Variants in TAF4B observed in about 807,000 individuals in gnomAD.
TAF4B encodes the protein transcription initiation factor TFIID subunit 4B.
Under a neutral mutation model 86.4 loss-of-function variants are expected in TAF4B, and 38 were observed. The ratio of observed to expected loss-of-function variants is 0.44; its 90% CI spans 0.34 to 0.58. The LOEUF is 0.58. TAF4B is among the 20% of genes least tolerant of loss of function. The probability of loss-of-function intolerance (pLI) is 0.02; values close to 1 mark genes in which losing one functional copy is unlikely to be tolerated. For missense variants in TAF4B, 988 were observed against 1,027.6 expected (o/e 0.96, Z 0.53); for synonymous variants, 388 against 391.2 (o/e 0.99, Z 0.10).
intron 5 of TAF4B, among the ~76,000 whole-genome samples, chr18:26,280,188 G>C (rs933037083): frequency 3.9e-5 from 6 of 152,148 alleles, no homozygotes; most frequent in Non-Finnish European, 8.8e-5. Context: ...AGATTTAAAT[G>C]TAAGACCTCA....
At chr18:26,346,509 A>AC (rs1417928409) in intron 13 of TAF4B, among the ~76,000 whole-genome samples, 2 of 151,770 alleles carry the variant, frequency 1.3e-5, no homozygotes, top group Non-Finnish European at 2.9e-5. Context: ...AGCTGGAAGA[A>AC]CCCCAAGTAG....
chr18:26,369,142 G>C (rs1478478753), intron 14 of TAF4B, among the ~76,000 whole-genome samples: 2 of 152,008 alleles, frequency 1.3e-5, no homozygotes, highest in African/African-American at 2.4e-5. Context: ...AGGATCGCCA[G>C]ATATTTGAGG....
chr18:26,346,787 A>G (rs1464047464), intron 13 of TAF4B, among the ~76,000 whole-genome samples: 3 of 24,142 alleles, frequency 1.2e-4, no homozygotes, highest in Admixed American at 3.0e-4. Context: ...GTGTGTATAT[A>G]TATATATATA....
At chr18:26,327,969 T>C (rs2057018350) in intron 12 of TAF4B, among the ~76,000 whole-genome samples, 1 of 152,238 alleles carries the variant, frequency 6.6e-6, no homozygotes. Flanking sequence ...CTAATTCCAC[T>C]ACAGTTTCCA....
In TAF4B at chr18:26,292,248, A is replaced by G; in HGVS notation, c.1593A>G (p.Val531=). 2 of 1,613,524 alleles carry G rather than the reference A, an allele frequency of 1.2e-6. No individual in the cohort carries two copies. The highest frequency in any genetic ancestry group is 2.2e-5 in the South Asian group (2 of 90,912). ...ATTGATAGTTCTCATTGTTTCAGGTAGTTCAGCAGCCTTCAGGAGGCAATG... is the reference window on the plus strand; with the variant it reads ...ATTGATAGTTCTCATTGTTTCAGGTGGTTCAGCAGCCTTCAGGAGGCAATG... ...IPQAVQVKQL[V]VQQPSGGNEK... Residue 531 remains valine, a splice_region_variant and synonymous_variant, in exon 8 of 15, where the codon GTA becomes GTG. Transcript: ENST00000269142.
chr18:26,389,569 G>T (rs1464795229), intron 14 of TAF4B, among the ~76,000 whole-genome samples: 1 of 152,242 alleles, frequency 6.6e-6, no homozygotes, highest in Non-Finnish European at 1.5e-5. Context: ...GCACTGGAAA[G>T]AATGGAGCAA....
chr18:26,388,464 C>T (rs1978506824), intron 14 of TAF4B, among the ~76,000 whole-genome samples: 1 of 152,232 alleles, frequency 6.6e-6, no homozygotes, highest in African/African-American at 2.4e-5. Flanking sequence ...AACCATAGTC[C>T]TTGTCCTCAG....
At chr18:26,253,739 T>A (rs2056039412) in intron 1 of TAF4B, among the ~76,000 whole-genome samples, 1 of 152,268 alleles carries the variant, frequency 6.6e-6, no homozygotes, top group East Asian at 1.9e-4. Context: ...ATTCAATATC[T>A]TCATTTCTTA....
Position 26,321,135 on chromosome 18 carries a change from G to A in TAF4B, c.2068G>A (p.Glu690Lys). Residue 690 changes from glutamate to lysine, a missense_variant, in exon 11 of 15, where the codon GAA becomes AAA. Coordinates refer to ENST00000269142, the MANE Select transcript of TAF4B (RefSeq NM_005640.3). ...AVNLISQATQ[E>K]RLRGLLEKLT... ...GAACTTGATCTCCCAAGCAACACAG[G>A]AACGACTACGAGGCCTTCTAGAAAA... The A allele has an allele frequency of 1.9e-6, 3 of 1,613,836 alleles. No individual in the cohort carries two copies. The highest frequency in any genetic ancestry group is 2.5e-6 in the Non-Finnish European group (3 of 1,179,832).
intron 14 of TAF4B, among the ~76,000 whole-genome samples, chr18:26,378,958 A>G (rs2057460333): frequency 6.6e-6 from 1 of 152,082 alleles, no homozygotes; most frequent in Non-Finnish European, 1.5e-5. Flanking sequence ...ACTGTTTTCA[A>G]TATTTGGCTA....
At chr18:26,281,052 ATAC>A (rs2056442726) in intron 5 of TAF4B, among the ~76,000 whole-genome samples, 1 of 152,234 alleles carries the variant, frequency 6.6e-6, no homozygotes, top group Non-Finnish European at 1.5e-5. Flanking sequence ...AGAAAACCAG[ATAC>A]TACATGTTCT....
rs559074947 is a variant in TAF4B, at chr18:26,256,341, G to A, written c.344-8829G>A. The A allele has an allele frequency of 7.3e-5, 106 of 1,444,870 alleles. No individual in the cohort carries two copies. The South Asian group carries it at 8.5e-4, about 12-fold the overall frequency. The allele number at this position is 1,444,870 out of a possible 1,614,324, so 89.5% of individuals were successfully genotyped here. A position where few individuals can be genotyped will look rare whatever the true frequency, so the allele number is the denominator to read the frequency against. On this transcript the variant is annotated intron_variant, in intron 1 of 14. Coordinates refer to ENST00000269142, the MANE Select transcript of TAF4B (RefSeq NM_005640.3). ...CTCTATACTTCGGTACATCTTTGGC[G>A]TGTGAAAACCAAACATCTTTTCTTC...
chr18:26,346,410 AAAG>A (rs1270297324), intron 13 of TAF4B, among the ~76,000 whole-genome samples: 3 of 151,534 alleles, frequency 2.0e-5, no homozygotes, highest in Non-Finnish European at 4.4e-5. Context: ...CGGAAGGAGA[AAAG>A]AAGTGAAAAG....
chr18:26,370,855 A>T (rs1027220984), intron 14 of TAF4B, among the ~76,000 whole-genome samples: 3 of 152,224 alleles, frequency 2.0e-5, no homozygotes, highest in African/African-American at 7.2e-5. Context: ...TTAAAGCTAG[A>T]TCAGAAGGTG....
rs559922456 is a variant in TAF4B, at chr18:26,250,687, G to A, written c.344-14483G>A. Among the ~76,000 whole-genome samples, 22 of 152,162 alleles carry A rather than the reference G, an allele frequency of 1.4e-4. No homozygotes were observed. In the East Asian group the frequency reaches 3.9e-3, roughly 27 times the overall value. ...TGCCATAGATGCAGTAATAAATAGG[G>A]TAGATATTCTGTGGGTTTAGTTTTT... On this transcript the variant is annotated intron_variant, in intron 1 of 14. Coordinates refer to ENST00000269142, the MANE Select transcript of TAF4B (RefSeq NM_005640.3).
chr18:26,267,709 T>C, intron 3 of TAF4B, 86 bp downstream of exon 3: 1 of 922,108 alleles, frequency 1.1e-6, no homozygotes, highest in South Asian at 1.4e-5. Flanking sequence ...ATATGTAAGT[T>C]ACTGTGTGAC....
intron 14 of TAF4B, among the ~76,000 whole-genome samples, chr18:26,374,619 T>C (rs1032467677): frequency 6.6e-6 from 1 of 152,236 alleles, no homozygotes; most frequent in South Asian, 2.1e-4. Flanking sequence ...GGAAAAGTGG[T>C]TGGTAACTGT....
intron 1 of TAF4B, among the ~76,000 whole-genome samples, chr18:26,264,312 A>C (rs1278216853): frequency 6.6e-6 from 1 of 152,170 alleles, no homozygotes; most frequent in Non-Finnish European, 1.5e-5. Context: ...ATGGTGGTGC[A>C]TGCCTGTAAT....
At position 26,341,798 on chromosome 18, in the gene TAF4B, T is replaced by A. The variant is rs190681318; in HGVS notation, c.2316+6567T>A. On this transcript the variant is annotated intron_variant, in intron 13 of 14. Coordinates refer to ENST00000269142, the MANE Select transcript of TAF4B (RefSeq NM_005640.3). ...AAGATCTTGTATTTCGGTTGTGGTA[T>A]CCTTGAAGTTAAGATAAGGTGGACT... Among the ~76,000 whole-genome samples, 506 of 152,302 alleles carry A rather than the reference T, an allele frequency of 3.3e-3. 1 individual carries two copies. The highest frequency in any genetic ancestry group is 5.8e-3 in the Admixed American group (88 of 15,296).
Sources: gnomAD v4.1 joint callset for allele counts (sites outside exome capture counted in the v4.1 genomes callset) on GRCh38, gnomAD v4.1.1 for gene constraint, MANE v1.5 for transcripts, NCBI Gene and HGNC (gene_info 2026-07-23, HGNC 2026-07-21) for gene names.